The following GALNT10 variants were observed in gnomAD, a reference collection of about 807,000 sequenced individuals.
GALNT10 encodes the protein GalNAc transferase 10.
GALNT10 carries 41 observed loss-of-function variants against 75.0 expected under a neutral mutation model. That is an observed-to-expected ratio of 0.55 (90% CI 0.43 to 0.71). The LOEUF (loss-of-function observed/expected upper bound fraction) is 0.71. Ranked by LOEUF, GALNT10 falls within the 30% of genes least tolerant of loss-of-function variation. The pLI, the probability that GALNT10 is intolerant of heterozygous loss-of-function variation, is 0.00. For synonymous variants in GALNT10, 302 were observed against 313.0 expected, an observed-to-expected ratio of 0.96 and a Z score of 0.37; for missense variants, 727 against 818.5, an observed-to-expected ratio of 0.89 and a Z score of 1.36.
intron 4 of GALNT10, among the ~76,000 whole-genome samples, chr5:154,366,686 T>C (rs1378950895): frequency 6.6e-6 from 1 of 152,214 alleles, no homozygotes; most frequent in African/African-American, 2.4e-5. Context: ...CTGGAGTCTT[T>C]GGGAGAAGGA....
chr5:154,197,350 A>G (rs1231919314), intron 1 of GALNT10, among the ~76,000 whole-genome samples: 1 of 152,084 alleles, frequency 6.6e-6, no homozygotes, highest in African/African-American at 2.4e-5. Context: ...TGCAGCTTCC[A>G]CGTTTTTTCT....
chr5:154,239,776 A>G (rs1753304330), intron 1 of GALNT10, among the ~76,000 whole-genome samples: 1 of 152,304 alleles, frequency 6.6e-6, no homozygotes, highest in South Asian at 2.1e-4. Flanking sequence ...CAGGTGTCCC[A>G]TTAATTGGGC....
chr5:154,307,844 A>G (rs1754457662), intron 3 of GALNT10, among the ~76,000 whole-genome samples: 1 of 151,676 alleles, frequency 6.6e-6, no homozygotes, highest in Non-Finnish European at 1.5e-5. Context: ...CTAGAAGATC[A>G]AAGGATAAAG....
rs757748797 is a variant in GALNT10 at position 154,329,702 on chromosome 5, G to T, written c.532G>T (p.Ala178Ser). The change falls in exon 4 of 12, where the codon GCC becomes TCC. Residue 178 changes from alanine to serine, a missense_variant. Transcript: ENST00000297107. ...CAATCGCTCGCCTCCAGAGCTGGTC[G>T]CCGAGATTGTACTGGTCGACGACTT... ...VLNRSPPELV[A>S]EIVLVDDFSD... is the part of the protein sequence containing the mutation. The T allele has an allele frequency of 2.5e-6, 4 of 1,613,686 alleles. No individual in the cohort carries two copies. Among genetic ancestry groups the T allele is most frequent in the Non-Finnish European group, 3.4e-6 (4 of 1,179,674 alleles).
chr5:154,376,379 G>C lies in GALNT10; in HGVS notation c.671G>C (p.Gly224Ala). 1 of 1,608,798 alleles carries C rather than the reference G, an allele frequency of 6.2e-7. No homozygotes were observed. The highest frequency in any genetic ancestry group is 2.2e-5 in the East Asian group (1 of 44,620). ...GGGCTGATAAGGACCCGAATGCTGG[G>C]GGCCTCAGTGGCAACTGGGGATGTC... ...REGLIRTRMLGASVATGDVIT... is the reference protein window; with the variant it reads ...REGLIRTRMLAASVATGDVIT... The change falls in exon 5 of 12, where the codon GGG (glycine) becomes GCG (alanine). Residue 224 changes from glycine to alanine, a missense_variant. Gly to Ala is a moderately conservative substitution (Grantham distance 60). Transcript: ENST00000297107. The surrounding 1 kb of genome is among the most constrained non-coding windows in gnomAD (Gnocchi z 4.1).
intron 4 of GALNT10, among the ~76,000 whole-genome samples, chr5:154,373,114 G>A (rs1036191602): frequency 1.3e-5 from 2 of 152,192 alleles, no homozygotes; most frequent in Admixed American, 1.3e-4. Context: ...TTCATACTGA[G>A]CCAGGATACA....
intron 1 of GALNT10, among the ~76,000 whole-genome samples, chr5:154,217,844 G>A (rs926587772): frequency 6.6e-6 from 1 of 152,234 alleles, no homozygotes; most frequent in East Asian, 1.9e-4. Flanking sequence ...GAGGGCTTGT[G>A]CCTTGCACAT....
chr5:154,262,224 G>T (rs902889615), intron 1 of GALNT10, among the ~76,000 whole-genome samples: 2 of 151,124 alleles, frequency 1.3e-5, no homozygotes, highest in Admixed American at 1.3e-4. Context: ...AGATTAGGGA[G>T]GGGCCCAGAC....
chr5:154,393,724 C>G (rs1298378011), intron 7 of GALNT10, among the ~76,000 whole-genome samples: 1 of 152,000 alleles, frequency 6.6e-6, no homozygotes, highest in Non-Finnish European at 1.5e-5. Context: ...GCCTGTAGTC[C>G]CAGCTACTTG....
At chr5:154,356,346 C>T in intron 4 of GALNT10, 1 of 393,508 alleles carries the variant, frequency 2.5e-6, no homozygotes, top group South Asian at 1.9e-5. Context: ...AGCAAGGAGA[C>T]AGTGAAGCAG....
At chr5:154,317,439 C>T (rs2113102995) in intron 3 of GALNT10, among the ~76,000 whole-genome samples, 1 of 152,266 alleles carries the variant, frequency 6.6e-6, no homozygotes, top group Non-Finnish European at 1.5e-5. Context: ...AGCTCAGAAT[C>T]CTTTAGGGAG....
intron 6 of GALNT10, among the ~76,000 whole-genome samples, chr5:154,382,758 C>T (rs986018238): frequency 6.6e-6 from 1 of 152,200 alleles, no homozygotes; most frequent in African/African-American, 2.4e-5. Context: ...TGAACCTTTG[C>T]AATGAGCAGA....
At chr5:154,301,786 G>A (rs929627090) in intron 3 of GALNT10, among the ~76,000 whole-genome samples, 3 of 152,142 alleles carry the variant, frequency 2.0e-5, no homozygotes, top group African/African-American at 2.4e-5. Context: ...TCTGAGAAGT[G>A]TCCACAGGCT....
At chr5:154,356,829 G>A (rs1288834293) in intron 4 of GALNT10, among the ~76,000 whole-genome samples, 1 of 152,190 alleles carries the variant, frequency 6.6e-6, no homozygotes, top group African/African-American at 2.4e-5. Context: ...CAAGGACCTT[G>A]GGTTTTGAGG....
At chr5:154,222,473 G>C (rs947236010) in intron 1 of GALNT10, among the ~76,000 whole-genome samples, 8 of 151,862 alleles carry the variant, frequency 5.3e-5, no homozygotes, top group African/African-American at 1.9e-4. Flanking sequence ...GTTTTTCTTG[G>C]GTAAATACTT....
chr5:154,350,384 C>G (rs1755189580), intron 4 of GALNT10, among the ~76,000 whole-genome samples: 2 of 152,146 alleles, frequency 1.3e-5, no homozygotes, highest in African/African-American at 4.8e-5. Context: ...TCCTACTCTG[C>G]TAGTGGGAGT....
chr5:154,348,615 T>C (rs953939368), intron 4 of GALNT10, among the ~76,000 whole-genome samples: 4 of 152,208 alleles, frequency 2.6e-5, no homozygotes, highest in Non-Finnish European at 5.9e-5. Context: ...TGAGAACAAG[T>C]AGACAAGCTT....
At chr5:154,235,727 C>A (rs1482101963) in intron 1 of GALNT10, among the ~76,000 whole-genome samples, 3 of 152,192 alleles carry the variant, frequency 2.0e-5, no homozygotes, top group Non-Finnish European at 4.4e-5. Context: ...AATGTTAGTA[C>A]TCAACTTGAA....
chr5:154,305,689 T>C (rs1754423822), intron 3 of GALNT10, among the ~76,000 whole-genome samples: 1 of 152,182 alleles, frequency 6.6e-6, no homozygotes, highest in African/African-American at 2.4e-5. Flanking sequence ...ACTTAATCAG[T>C]GAGCTTCAAA....
Sources: gnomAD v4.1 joint callset for allele counts (sites outside exome capture counted in the v4.1 genomes callset) on GRCh38, gnomAD v4.1.1 for gene constraint, Gnocchi (gnomAD v3.1) non-coding constraint, MANE v1.5 for transcripts, NCBI Gene and HGNC (gene_info 2026-07-23, HGNC 2026-07-21) for gene names.